The following KLHDC8A variants were observed in gnomAD, a reference collection of about 807,000 sequenced individuals.
The protein encoded by KLHDC8A is kelch domain-containing protein 8A.
In KLHDC8A, 21 loss-of-function variants were observed where a neutral mutation model predicts 33.1. The observed-to-expected ratio is 0.64, with a 90% CI of 0.45 to 0.91. The LOEUF (loss-of-function observed/expected upper bound fraction) is 0.91. Ranked by LOEUF, KLHDC8A falls within the 40% of genes least tolerant of loss-of-function variation. The pLI, the probability that KLHDC8A is intolerant of heterozygous loss-of-function variation, is 0.00. For synonymous variants in KLHDC8A, 173 were observed against 193.5 expected (o/e 0.89, Z 0.88); for missense variants, 435 against 483.3 (o/e 0.90, Z 0.94).
chr1:205,341,929 G>A (rs932639224), intron 2 of KLHDC8A, among the ~76,000 whole-genome samples: 10 of 152,236 alleles, frequency 6.6e-5, no homozygotes, highest in Non-Finnish European at 1.2e-4. Flanking sequence ...GATTACAGGC[G>A]TGAGCCACCG....
At chr1:205,346,096 T>C (rs1036180406) in intron 1 of KLHDC8A, among the ~76,000 whole-genome samples, 1 of 152,188 alleles carries the variant, frequency 6.6e-6, no homozygotes, top group Non-Finnish European at 1.5e-5. Flanking sequence ...AATTCCACTG[T>C]TTTTTAGTTC....
At position 205,351,111 on chromosome 1, in the gene KLHDC8A, C is replaced by T. The variant is rs1340674922; in HGVS notation, c.-190+5422G>A. 9 of 627,194 alleles carry T rather than the reference C, an allele frequency of 1.4e-5. No individual in the cohort carries two copies. In the East Asian group the frequency reaches 2.6e-4, roughly 18 times the overall value. The allele number at this position is 627,194 out of a possible 1,614,324, so 38.9% of individuals were successfully genotyped here. A position where few individuals can be genotyped will look rare whatever the true frequency, so the allele number is the denominator to read the frequency against. ...TCATCCCCACCCAGGAGAGAAGGGT[C>T]CACTCCCCGAAGATTCCTCTTGTTT... is the stretch of plus-strand genomic sequence containing the variant. On this transcript the variant is annotated intron_variant, in intron 1 of 5. Coordinates refer to ENST00000367155, the MANE Select transcript of KLHDC8A (RefSeq NM_018203.3).
chr1:205,349,782 GC>G (rs1471013685), intron 1 of KLHDC8A, among the ~76,000 whole-genome samples: 4 of 152,138 alleles, frequency 2.6e-5, no homozygotes, highest in African/African-American at 2.4e-5. Flanking sequence ...CTGTATTGCC[GC>G]CCGGGCCATA....
chr1:205,355,805 A>G (rs1328443207), intron 1 of KLHDC8A, among the ~76,000 whole-genome samples: 5 of 152,210 alleles, frequency 3.3e-5, no homozygotes, highest in Non-Finnish European at 5.9e-5. Context: ...GTCTATGTAG[A>G]TATTCTTTCT....
chr1:205,349,203 G>A (rs1310042813), intron 1 of KLHDC8A, among the ~76,000 whole-genome samples: 1 of 152,226 alleles, frequency 6.6e-6, no homozygotes, highest in East Asian at 1.9e-4. Flanking sequence ...TGATCATGTG[G>A]CACTGCTGCC....
At chr1:205,354,184 T>C (rs1157106793) in intron 1 of KLHDC8A, among the ~76,000 whole-genome samples, 1 of 152,246 alleles carries the variant, frequency 6.6e-6, no homozygotes, top group Non-Finnish European at 1.5e-5. Context: ...CCAACAATAG[T>C]GACAGCTCCA....
At position 205,339,196 on chromosome 1, in the gene KLHDC8A, T is replaced by A; in HGVS notation, c.755A>T (p.Gln252Leu). 1 of 1,613,582 alleles carries A rather than the reference T, an allele frequency of 6.2e-7. No individual in the cohort carries two copies. Among genetic ancestry groups the A allele is most frequent in the Non-Finnish European group, 8.5e-7 (1 of 1,179,682 alleles). The change falls in exon 4 of 6, where the codon CAG becomes CTG. Residue 252 changes from glutamine to leucine, a missense_variant and splice_region_variant. By Grantham distance (113) the Gln-to-Leu change is moderately radical. Transcript: ENST00000367155. This position sits in a 1 kb window ranked among gnomAD's most constrained non-coding sequence, Gnocchi z 5.1. Reference protein sequence around the residue: ...LRTMDVFDMEQGGWLKMERSF... With the variant: ...LRTMDVFDMELGGWLKMERSF... ...CCTGGGGAAGGTGACCAGCTCACCC[T>A]GTTCCATGTCGAACACGTCCATCGT... is the stretch of plus-strand genomic sequence containing the variant.
In KLHDC8A at chr1:205,337,092, G is replaced by A. The variant is rs933370480; in HGVS notation, c.*307C>T. The A allele has an allele frequency of 5.5e-6, 2 of 363,348 alleles. No individual in the cohort carries two copies. Among genetic ancestry groups the A allele is most frequent in the Non-Finnish European group, 1.0e-5 (2 of 196,010 alleles). 22.5% of individuals were successfully genotyped at this position (363,348 alleles called of 1,614,324 possible). A position where few individuals can be genotyped will look rare whatever the true frequency, so the allele number is the denominator to read the frequency against. On this transcript the variant is annotated 3_prime_UTR_variant, in exon 6 of 6. Coordinates refer to ENST00000367155, the MANE Select transcript of KLHDC8A (RefSeq NM_018203.3). ...CCTCCTGGAGATGGGGGTGGGGGGA[G>A]GTGGGACTCACAGGAGGGAGAGGTA...
At chr1:205,347,247 C>T (rs1329154224) in intron 1 of KLHDC8A, among the ~76,000 whole-genome samples, 1 of 152,164 alleles carries the variant, frequency 6.6e-6, no homozygotes, top group African/African-American at 2.4e-5. Flanking sequence ...AAGATGGGGC[C>T]TTAAGGAGTG....
chr1:205,337,577 A>C lies in KLHDC8A; in HGVS notation c.875T>G (p.Val292Gly), dbSNP rs1380493226. The C allele has an allele frequency of 1.9e-6, 3 of 1,611,776 alleles. No individual in the cohort carries two copies. The highest frequency in any genetic ancestry group is 1.7e-5 in the Admixed American group (1 of 59,884). ...GTGGAATGCTTCCGCCGTCTCCAGG[A>C]CAGTGGGTTGATTCCCTGAAAGTGT... ...VAGGLGNQPT[V>G]LETAEAFHPG... Residue 292 changes from valine (V) to glycine (G), a missense_variant, in exon 6 of 6, where the codon GTC (valine) becomes GGC (glycine). Transcript: ENST00000367155.
chr1:205,346,871 C>T (rs150152724), intron 1 of KLHDC8A, among the ~76,000 whole-genome samples: 111 of 152,330 alleles, frequency 7.3e-4, no homozygotes, highest in African/African-American at 2.6e-3. Context: ...GAGATTCCAG[C>T]GGCTGCCCAT....
At chr1:205,351,000 AC>A (rs1223607381) in intron 1 of KLHDC8A, among the ~76,000 whole-genome samples, 1 of 152,182 alleles carries the variant, frequency 6.6e-6, no homozygotes, top group Non-Finnish European at 1.5e-5. Context: ...AGAAGGCTAA[AC>A]AAAAGGCTGG....
intron 1 of KLHDC8A, among the ~76,000 whole-genome samples, chr1:205,349,956 G>A (rs1461758516): frequency 6.6e-6 from 1 of 152,176 alleles, no homozygotes; most frequent in African/African-American, 2.4e-5. Context: ...GAAGAAGAGA[G>A]CAGCTGGGGT....
At chr1:205,345,038 A>G (rs903254875) in intron 1 of KLHDC8A, among the ~76,000 whole-genome samples, 4 of 152,166 alleles carry the variant, frequency 2.6e-5, no homozygotes, top group Non-Finnish European at 4.4e-5. Flanking sequence ...CCACTCTCTA[A>G]TACCGTTTAT....
At chr1:205,343,195 C>A in intron 2 of KLHDC8A, 34 bp downstream of exon 2, 1 of 1,543,230 alleles carries the variant, frequency 6.5e-7, no homozygotes. Flanking sequence ...CCACTTCCTT[C>A]TCTCTGGCCG....
chr1:205,354,889 A>G (rs908177977), intron 1 of KLHDC8A, among the ~76,000 whole-genome samples: 1 of 152,228 alleles, frequency 6.6e-6, no homozygotes, highest in African/African-American at 2.4e-5. Flanking sequence ...TAAATGATTG[A>G]TTCCTTTGGA....
chr1:205,343,805 A>C lies in KLHDC8A; in HGVS notation c.-189-12T>G, dbSNP rs1388187484. ...GTCCACGCCTGGCCCTGCGGGGGGA[A>C]CGCGGTGAATCAAGGGCAGCTGGGG... On this transcript the variant is annotated splice_polypyrimidine_tract_variant and intron_variant, in intron 1 of 5. Transcript: ENST00000367155. 1 of 594,858 alleles carries C rather than the reference A, an allele frequency of 1.7e-6. No homozygotes were observed. Among genetic ancestry groups the C allele is most frequent in the Non-Finnish European group, 2.8e-6 (1 of 358,928 alleles). 36.8% of individuals were successfully genotyped at this position (594,858 alleles called of 1,614,324 possible).
Position 205,339,562 on chromosome 1 carries a change from T to G in KLHDC8A, c.541+82A>C. Reference sequence around the variant, plus strand: ...ATTATCCCCAGTGCCGAGGAGATGCTCAGCACACAGGCACTGCTTCCTATG... The same window carrying G: ...ATTATCCCCAGTGCCGAGGAGATGCGCAGCACACAGGCACTGCTTCCTATG... On this transcript the variant is annotated intron_variant, in intron 3 of 5. Coordinates refer to ENST00000367155, the MANE Select transcript of KLHDC8A (RefSeq NM_018203.3). The surrounding 1 kb of genome is among the most constrained non-coding windows in gnomAD (Gnocchi z 5.1). 1 of 1,522,210 alleles carries G rather than the reference T, an allele frequency of 6.6e-7. No individual in the cohort carries two copies. Among genetic ancestry groups the G allele is most frequent in the South Asian group, 1.2e-5 (1 of 84,216 alleles). 94.3% of individuals were successfully genotyped at this position (1,522,210 alleles called of 1,614,324 possible).
At position 205,343,384 on chromosome 1, in the gene KLHDC8A, AC is replaced by A. The variant is rs1204967353; in HGVS notation, c.220del (p.Val74SerfsTer10). On this transcript the variant is annotated frameshift_variant, in exon 2 of 6. Transcript: ENST00000367155. LOFTEE classifies it high-confidence loss of function. ...RLPTARAGVA[V>X]TALGKRIMVI... ...CATGATCCGCTTCCCCAGGGCGGTG[AC>A]GGCCACCCCCGCCCGGGCTGTGGGC... 6.2e-7 allele frequency: 1 copy of A among 1,613,444 alleles called. No individual in the cohort carries two copies. Among genetic ancestry groups the A allele is most frequent in the South Asian group, 1.1e-5 (1 of 91,070 alleles).
Sources: allele counts gnomAD v4.1 joint callset (sites outside exome capture counted in the v4.1 genomes callset), GRCh38; gene constraint gnomAD v4.1.1; non-coding constraint Gnocchi (gnomAD v3.1); transcripts MANE v1.5; gene names NCBI Gene and HGNC (gene_info 2026-07-23, HGNC 2026-07-21).